PTPRE: variants seen among roughly 807,000 people sequenced by gnomAD.
PTPRE encodes the protein protein tyrosine phosphatase receptor type E, also known as receptor-type tyrosine-protein phosphatase epsilon.
A neutral mutation model predicts 102.0 loss-of-function variants in PTPRE; 51 were observed. That is an observed-to-expected ratio of 0.50 (90% CI 0.40 to 0.63). PTPRE has a LOEUF of 0.63. PTPRE is among the 30% of genes least tolerant of loss of function. PTPRE has a pLI of 0.00. For synonymous variants in PTPRE, 345 were observed against 348.2 expected (o/e 0.99, Z 0.10); for missense variants, 752 against 915.1 (o/e 0.82, Z 2.30).
In PTPRE at chr10:127,909,098, G is replaced by A. The variant is rs188815255; in HGVS notation, c.-31+1789G>A. On this transcript the variant is annotated intron_variant, in intron 1 of 20. Transcript: ENST00000254667. ...GGGGACAGCTGGCAGAGAGAGATGC[G>A]CTCCCTGTGTCAGCACCGCCACCTC... 4.7e-4 allele frequency among the ~76,000 whole-genome samples: 72 copies of A among 152,302 alleles called. 1 individual carries two copies. Among genetic ancestry groups the A allele is most frequent in the African/African-American group, 1.6e-3 (66 of 41,550 alleles).
chr10:127,921,793 G>A (rs1589737137), intron 1 of PTPRE, among the ~76,000 whole-genome samples: 1 of 152,214 alleles, frequency 6.6e-6, no homozygotes, highest in South Asian at 2.1e-4. Flanking sequence ...TGTGGCCAGG[G>A]TGGAGAATGC....
At chr10:127,992,632 G>A (rs58815038) in intron 2 of PTPRE, among the ~76,000 whole-genome samples, 27,228 of 152,064 alleles carry the variant, frequency 0.18, 2,668 homozygotes, top group East Asian at 0.37. Context: ...GGGCCAGACC[G>A]CAGGCCTGGA....
chr10:127,910,372 C>A (rs1418092423), intron 1 of PTPRE, among the ~76,000 whole-genome samples: 1 of 152,226 alleles, frequency 6.6e-6, no homozygotes, highest in Non-Finnish European at 1.5e-5. Flanking sequence ...CTCCACAAAG[C>A]CTTCCTGGCT....
intron 1 of PTPRE, among the ~76,000 whole-genome samples, chr10:127,914,612 A>G (rs1846084672): frequency 1.3e-5 from 2 of 152,260 alleles, no homozygotes; most frequent in Admixed American, 1.3e-4. Flanking sequence ...TTGATTCCAG[A>G]GAGACCTGCT....
At chr10:127,939,009 C>A (rs1461653329) in intron 1 of PTPRE, among the ~76,000 whole-genome samples, 1 of 152,140 alleles carries the variant, frequency 6.6e-6, no homozygotes. Flanking sequence ...CGCAAGGAAC[C>A]CAGCATGCAA....
intron 3 of PTPRE, among the ~76,000 whole-genome samples, chr10:128,045,102 T>C (rs1847983899): frequency 1.3e-5 from 2 of 152,178 alleles, no homozygotes; most frequent in Admixed American, 1.3e-4. Flanking sequence ...TTGAAGGCCA[T>C]TGGGTTTCTG....
Position 127,982,275 on chromosome 10 carries a change from C to T in PTPRE, c.-29C>T. The T allele has an allele frequency of 7.9e-7, 1 of 1,268,842 alleles. No homozygotes were observed. Among genetic ancestry groups the T allele is most frequent in the Non-Finnish European group, 1.0e-6 (1 of 974,710 alleles). 78.6% of individuals were successfully genotyped at this position (1,268,842 alleles called of 1,614,324 possible). A position where few individuals can be genotyped will look rare whatever the true frequency, so the allele number is the denominator to read the frequency against. On this transcript the variant is annotated splice_region_variant and 5_prime_UTR_variant, in exon 2 of 21. Transcript: ENST00000254667. ...TTTTTTTTCTTCTTTCTTCTTCAGA[C>T]TATAGCCTTCACTTTCCCTCGGTGA...
chr10:128,084,341 A>G lies in PTPRE; in HGVS notation c.*1435A>G, dbSNP rs1273739461. The G allele has an allele frequency of 6.6e-6, 1 of 152,046 alleles. No homozygotes were observed. Among genetic ancestry groups the G allele is most frequent in the Non-Finnish European group, 1.5e-5 (1 of 67,996 alleles). 9.4% of individuals were successfully genotyped at this position (152,046 alleles called of 1,614,324 possible). On this transcript the variant is annotated 3_prime_UTR_variant, in exon 21 of 21. Transcript: ENST00000254667. Reference sequence around the variant, plus strand: ...TTTCTAAAAGCTACATAAAGGCCTTATTTGACATTTTCACTGATAACTGAT... The same window carrying G: ...TTTCTAAAAGCTACATAAAGGCCTTGTTTGACATTTTCACTGATAACTGAT...
At chr10:127,985,805 T>A (rs1039742188) in intron 2 of PTPRE, among the ~76,000 whole-genome samples, 12 of 151,602 alleles carry the variant, frequency 7.9e-5, no homozygotes, top group Admixed American at 3.9e-4. Flanking sequence ...ATATTTGACA[T>A]CTAGGCCGGG....
In PTPRE at chr10:127,907,221, GGGCGCCCCGGAGGGCGGCGGGCA is replaced by G; in HGVS notation, c.-111_-89del. On this transcript the variant is annotated 5_prime_UTR_variant, in exon 1 of 21. Transcript: ENST00000254667. This position sits in a 1 kb window ranked among gnomAD's most constrained non-coding sequence, Gnocchi z 4.8. ...TTCTTCGCGCCCGGCGAAGACAGCC[GGGCGCCCCGGAGGGCGGCGGGCA>G]GGCGCCCGGGAGATGCGGAGCCTCC... 1.0e-6 allele frequency: 1 copy of G among 981,400 alleles called. No individual in the cohort carries two copies. Among genetic ancestry groups the G allele is most frequent in the Non-Finnish European group, 1.2e-6 (1 of 826,884 alleles). The allele number at this position is 981,400 out of a possible 1,614,324, so 60.8% of individuals were successfully genotyped here. A position where few individuals can be genotyped will look rare whatever the true frequency, so the allele number is the denominator to read the frequency against.
chr10:128,070,658 T>C lies in PTPRE; in HGVS notation c.1294-150T>C. The C allele has an allele frequency of 9.0e-7, 1 of 1,106,410 alleles. No homozygotes were observed. The highest frequency in any genetic ancestry group is 2.6e-5 in the East Asian group (1 of 38,650). 68.5% of individuals were successfully genotyped at this position (1,106,410 alleles called of 1,614,324 possible). On this transcript the variant is annotated intron_variant, in intron 14 of 20. Transcript: ENST00000254667. The surrounding 1 kb of genome is among the most constrained non-coding windows in gnomAD (Gnocchi z 4.8). ...CATAGCAGCCCTACTAGGCACACAT[T>C]TGTATTTCCCAATGCTAAGGAGGCT...
At chr10:128,034,130 A>G (rs747297012) in intron 2 of PTPRE, among the ~76,000 whole-genome samples, 1 of 152,210 alleles carries the variant, frequency 6.6e-6, no homozygotes, top group Non-Finnish European at 1.5e-5. Flanking sequence ...TCTCCTGCTC[A>G]TCATCAATCA....
chr10:128,078,109 C>T (rs1353060688), intron 19 of PTPRE, among the ~76,000 whole-genome samples: 1 of 152,228 alleles, frequency 6.6e-6, no homozygotes, highest in Non-Finnish European at 1.5e-5. Flanking sequence ...CGGAGGAACA[C>T]ACTCCTGGAC....
At chr10:128,007,759 G>T (rs1222631182) in intron 2 of PTPRE, among the ~76,000 whole-genome samples, 2 of 152,204 alleles carry the variant, frequency 1.3e-5, no homozygotes, top group African/African-American at 4.8e-5. Context: ...GGCACCATGA[G>T]AGTCTTGTAC....
intron 16 of PTPRE, 69 bp from the exon 17 acceptor site, chr10:128,073,268 C>G: frequency 6.3e-7 from 1 of 1,593,584 alleles, no homozygotes; most frequent in East Asian, 2.2e-5. Context: ...CTGTCCTAAA[C>G]TTAGGGAGCA....
At chr10:128,077,856 G>A in intron 19 of PTPRE, 73 bp downstream of exon 19, 1 of 1,506,336 alleles carries the variant, frequency 6.6e-7, no homozygotes, top group Non-Finnish European at 8.9e-7. Flanking sequence ...GCAGCTGTGG[G>A]CAGCAGAGCC....
intron 2 of PTPRE, among the ~76,000 whole-genome samples, chr10:128,004,971 G>A (rs183331996): frequency 1.0e-3 from 155 of 152,258 alleles, no homozygotes; most frequent in African/African-American, 3.0e-3. Context: ...GTTTGGGTTT[G>A]CATTTCTTTA....
chr10:128,077,829 G>C (rs997439746), intron 19 of PTPRE, 46 bp downstream of exon 19: 10 of 1,546,704 alleles, frequency 6.5e-6, no homozygotes, highest in East Asian at 4.6e-5. Context: ...GACACAGGCT[G>C]CACCCCCCCA....
chr10:127,954,350 G>A (rs182180637), intron 1 of PTPRE, among the ~76,000 whole-genome samples: 148 of 152,308 alleles, frequency 9.7e-4, no homozygotes, highest in African/African-American at 2.7e-3. Context: ...CCTCCTGGTG[G>A]CAGGTTGATT....
Sources: gnomAD v4.1 joint callset for allele counts (sites outside exome capture counted in the v4.1 genomes callset) on GRCh38, gnomAD v4.1.1 for gene constraint, Gnocchi (gnomAD v3.1) non-coding constraint, MANE v1.5 for transcripts, NCBI Gene and HGNC (gene_info 2026-07-23, HGNC 2026-07-21) for gene names.